The following AJAP1 variants were observed in gnomAD, a reference collection of about 807,000 sequenced individuals.
AJAP1 encodes adherens junction-associated protein 1.
A neutral mutation model predicts 35.0 loss-of-function variants in AJAP1; 5 were observed. The observed-to-expected ratio is 0.14, with a 90% CI of 0.07 to 0.30. The LOEUF is 0.30. AJAP1 is among the 10% of genes least tolerant of loss of function. The probability of loss-of-function intolerance (pLI) is 1.00; values close to 1 mark genes in which losing one functional copy is unlikely to be tolerated. For synonymous variants in AJAP1, 284 were observed against 249.3 expected (o/e 1.14, Z -1.31); for missense variants, 586 against 571.0 (o/e 1.03, Z -0.27).
At chr1:4,686,134 C>T (rs796291954) in intron 1 of AJAP1, among the ~76,000 whole-genome samples, 13 of 152,330 alleles carry the variant, frequency 8.5e-5, no homozygotes, top group East Asian at 1.9e-4. Context: ...GACAAAATGA[C>T]GTGGCCTCAT....
At chr1:4,665,870 G>A (rs1639104339) in intron 1 of AJAP1, among the ~76,000 whole-genome samples, 1 of 152,256 alleles carries the variant, frequency 6.6e-6, no homozygotes, top group African/African-American at 2.4e-5. Flanking sequence ...AATTGCAGGA[G>A]CCAAGAGGAA....
intron 2 of AJAP1, 149 bp downstream of exon 2, chr1:4,712,848 C>A: frequency 3.9e-6 from 3 of 776,166 alleles, no homozygotes; most frequent in Non-Finnish European, 5.6e-6. Flanking sequence ...TTGCACATGC[C>A]TGTAGACTGG....
intron 2 of AJAP1, among the ~76,000 whole-genome samples, chr1:4,725,859 C>A (rs1640643135): frequency 6.6e-6 from 1 of 152,142 alleles, no homozygotes; most frequent in Admixed American, 6.5e-5. Flanking sequence ...TATAAGGACA[C>A]CAGTCAGCAT....
chr1:4,701,785 G>T (rs1639994287), intron 1 of AJAP1, among the ~76,000 whole-genome samples: 1 of 152,216 alleles, frequency 6.6e-6, no homozygotes, highest in Non-Finnish European at 1.5e-5. Context: ...TCTTCTGCAA[G>T]GAGGGGCCAC....
At chr1:4,780,681 G>A (rs570907772) in intron 5 of AJAP1, among the ~76,000 whole-genome samples, 1 of 145,504 alleles carries the variant, frequency 6.9e-6, no homozygotes, top group East Asian at 2.0e-4. Flanking sequence ...GCCCAGGCTG[G>A]AGTGTAGTGG....
At chr1:4,771,089 C>T (rs1212931059) in intron 3 of AJAP1, among the ~76,000 whole-genome samples, 1 of 152,152 alleles carries the variant, frequency 6.6e-6, no homozygotes, top group Non-Finnish European at 1.5e-5. Context: ...GACTTTGTAG[C>T]CTGTTCTGTG....
intron 2 of AJAP1, among the ~76,000 whole-genome samples, chr1:4,714,251 G>T (rs1032577048): frequency 6.6e-6 from 1 of 152,220 alleles, no homozygotes; most frequent in African/African-American, 2.4e-5. Context: ...TCCGGAGGAA[G>T]AGACTCTGGA....
chr1:4,748,417 G>T (rs933126274), intron 2 of AJAP1, among the ~76,000 whole-genome samples: 2 of 152,186 alleles, frequency 1.3e-5, no homozygotes, highest in Admixed American at 1.3e-4. Flanking sequence ...GTCGGCCTCT[G>T]TGACTGGTAG....
Position 4,712,370 on chromosome 1 carries a change from TCGA to T in AJAP1, c.502_504del (p.Asp168del). The T allele has an allele frequency of 6.5e-7, 1 of 1,531,916 alleles. No individual in the cohort carries two copies. Among genetic ancestry groups the T allele is most frequent in the Non-Finnish European group, 8.8e-7 (1 of 1,137,330 alleles). The allele number at this position is 1,531,916 out of a possible 1,614,324, so 94.9% of individuals were successfully genotyped here. A position where few individuals can be genotyped will look rare whatever the true frequency, so the allele number is the denominator to read the frequency against. ...CTGCAGGGGGACGGTCTCAGCAGCTTCGACTCCAGAGGCAGCCGGCCCACCACA... is the reference window on the plus strand; with the variant it reads ...CTGCAGGGGGACGGTCTCAGCAGCTTCTCCAGAGGCAGCCGGCCCACCACA... On this transcript the variant is annotated inframe_deletion, in exon 2 of 6. Coordinates refer to ENST00000378191, the MANE Select transcript of AJAP1 (RefSeq NM_018836.4).
chr1:4,732,703 C>T (rs1640827668), intron 2 of AJAP1, among the ~76,000 whole-genome samples: 1 of 152,244 alleles, frequency 6.6e-6, no homozygotes, highest in Non-Finnish European at 1.5e-5. Context: ...AACCCCTGGC[C>T]CTTCCGCGAG....
chr1:4,665,273 C>T (rs1244862958), intron 1 of AJAP1, among the ~76,000 whole-genome samples: 2 of 152,124 alleles, frequency 1.3e-5, no homozygotes, highest in Non-Finnish European at 2.9e-5. Context: ...TTCAAAATCC[C>T]AGAAAATGTT....
At position 4,784,465 on chromosome 1, in the gene AJAP1, CAG is replaced by C. The variant is rs1169978990; in HGVS notation, c.*1982_*1983del. ...CCAGGCAAAAAGGTTAAAGATCAGACAGACAGCTGACCTTACTGCCCTCAATG... is the reference window on the plus strand; with the variant it reads ...CCAGGCAAAAAGGTTAAAGATCAGACACAGCTGACCTTACTGCCCTCAATG... On this transcript the variant is annotated 3_prime_UTR_variant, in exon 6 of 6. Coordinates refer to ENST00000378191, the MANE Select transcript of AJAP1 (RefSeq NM_018836.4). The C allele has an allele frequency of 6.6e-6, 1 of 152,212 alleles. No individual in the cohort carries two copies. 9.4% of individuals were successfully genotyped at this position (152,212 alleles called of 1,614,324 possible). A position where few individuals can be genotyped will look rare whatever the true frequency, so the allele number is the denominator to read the frequency against.
chr1:4,736,776 T>C (rs1640935674), intron 2 of AJAP1, among the ~76,000 whole-genome samples: 1 of 152,206 alleles, frequency 6.6e-6, no homozygotes, highest in Non-Finnish European at 1.5e-5. Context: ...CCCCTAGTTA[T>C]CCCAGTGTAT....
At position 4,692,361 on chromosome 1, in the gene AJAP1, C is replaced by G. The variant is rs1557611369; in HGVS notation, c.30-19539C>G. Among the ~76,000 whole-genome samples, 1 of 152,148 alleles carries G rather than the reference C, an allele frequency of 6.6e-6. No homozygotes were observed. Among genetic ancestry groups the G allele is most frequent in the Non-Finnish European group, 1.5e-5 (1 of 68,022 alleles). The stretch of plus-strand genomic sequence containing the variant: ...CATGCAGCCCTTTCCCTTCTGGCCT[C>G]TCAGCCTGCAGGAGAGGCTGGGGGG... On this transcript the variant is annotated intron_variant, in intron 1 of 5. Transcript: ENST00000378191. This position sits in a 1 kb window ranked among gnomAD's most constrained non-coding sequence, Gnocchi z 4.4.
intron 1 of AJAP1, among the ~76,000 whole-genome samples, chr1:4,682,702 A>C (rs1639509441): frequency 6.6e-6 from 1 of 152,010 alleles, no homozygotes; most frequent in African/African-American, 2.4e-5. Flanking sequence ...GGATGAGGAT[A>C]GTGGTAATGA....
chr1:4,737,336 G>T lies in AJAP1; in HGVS notation c.829+24637G>T, dbSNP rs12037568. Among the ~76,000 whole-genome samples the T allele has an allele frequency of 1.2e-4, 18 of 152,060 alleles. No individual in the cohort carries two copies. The East Asian group carries it at 3.3e-3, about 28-fold the overall frequency. On this transcript the variant is annotated intron_variant, in intron 2 of 5. Transcript: ENST00000378191. ...AAGCCCCCGTCACCACCCACCCCTC[G>T]GCCCCTCACCTCTCTCAGGGAAATG... is the stretch of plus-strand genomic sequence containing the variant.
intron 3 of AJAP1, among the ~76,000 whole-genome samples, chr1:4,771,681 A>T (rs959914220): frequency 6.6e-6 from 1 of 152,206 alleles, no homozygotes; most frequent in African/African-American, 2.4e-5. Context: ...CTAGACCATA[A>T]CAGGCAGGCA....
chr1:4,687,131 CTCT>C (rs151230652), intron 1 of AJAP1, among the ~76,000 whole-genome samples: 1,701 of 152,308 alleles, frequency 0.011, 41 homozygotes, highest in African/African-American at 0.039. Flanking sequence ...TCCTTTCCTC[CTCT>C]TTACAGAATC....
chr1:4,730,877 G>A (rs1399247660), intron 2 of AJAP1, among the ~76,000 whole-genome samples: 2 of 152,076 alleles, frequency 1.3e-5, no homozygotes, highest in Admixed American at 1.3e-4. Context: ...CTGCTTGGCT[G>A]GATCAAACTC....
Sources: allele counts gnomAD v4.1 joint callset (sites outside exome capture counted in the v4.1 genomes callset), GRCh38; gene constraint gnomAD v4.1.1; non-coding constraint Gnocchi (gnomAD v3.1); transcripts MANE v1.5; gene names NCBI Gene and HGNC (gene_info 2026-07-23, HGNC 2026-07-21).